Variants in KDM1A observed in about 807,000 individuals in gnomAD.
KDM1A encodes lysine-specific histone demethylase 1A.
A neutral mutation model predicts 109.4 loss-of-function variants in KDM1A; 49 were observed. That is an observed-to-expected ratio of 0.45 (90% CI 0.36 to 0.57). The LOEUF (loss-of-function observed/expected upper bound fraction) is 0.57, where lower values mean the gene tolerates loss of function less well. Among genes scored for constraint, KDM1A ranks in the 20% least tolerant of loss-of-function variants. The probability of loss-of-function intolerance (pLI) is 0.00; values close to 1 mark genes in which losing one functional copy is unlikely to be tolerated. For synonymous variants in KDM1A, 380 were observed against 415.4 expected (o/e 0.91, Z 1.04); for missense variants, 668 against 1,116.6 (o/e 0.60, Z 5.73).
chr1:23,068,195 A>G (rs1420512171), intron 10 of KDM1A, among the ~76,000 whole-genome samples: 1 of 152,078 alleles, frequency 6.6e-6, no homozygotes, highest in Non-Finnish European at 1.5e-5. Context: ...TGTTGTTTGC[A>G]TGTCAGCCAG....
chr1:23,053,684 C>A, intron 4 of KDM1A, 77 bp from the exon 5 acceptor site: 1 of 1,009,104 alleles, frequency 9.9e-7, no homozygotes, highest in Non-Finnish European at 1.5e-6. Flanking sequence ...CTGCAGCCAG[C>A]TAAAAGATGA....
intron 10 of KDM1A, among the ~76,000 whole-genome samples, chr1:23,066,664 C>T (rs922182098): frequency 1.3e-5 from 2 of 152,158 alleles, no homozygotes; most frequent in Non-Finnish European, 2.9e-5. Context: ...AGAAGCAACA[C>T]ATAGAAATAT....
chr1:23,040,622 CAA>C (rs746000994), intron 2 of KDM1A, among the ~76,000 whole-genome samples: 15 of 102,826 alleles, frequency 1.5e-4, no homozygotes, highest in East Asian at 2.6e-4. Flanking sequence ...CTCGTCTCTA[CAA>C]AAAAAAAAAA....
At chr1:23,070,345 C>G (rs904238842) in intron 12 of KDM1A, among the ~76,000 whole-genome samples, 1 of 152,146 alleles carries the variant, frequency 6.6e-6, no homozygotes, top group African/African-American at 2.4e-5. Context: ...GTAGCACACA[C>G]CTGTAATCCC....
Position 23,057,475 on chromosome 1 carries a change from C to CT in KDM1A, c.991-8dup, listed in dbSNP as rs1642864975. ...ATTGATGATTTTGGCTACTTAATTT[C>CT]TGAAACAGGATCGTGTGGGTGGACG... On this transcript the variant is annotated splice_polypyrimidine_tract_variant and intron_variant, in intron 7 of 20. Coordinates refer to ENST00000400181, the MANE Select transcript of KDM1A (RefSeq NM_001009999.3). The CT allele has an allele frequency of 1.2e-6, 2 of 1,612,628 alleles. No homozygotes were observed. Among genetic ancestry groups the CT allele is most frequent in the Non-Finnish European group, 1.7e-6 (2 of 1,178,960 alleles).
intron 2 of KDM1A, among the ~76,000 whole-genome samples, chr1:23,043,850 A>C (rs1642426404): frequency 6.6e-6 from 1 of 152,236 alleles, no homozygotes; most frequent in Non-Finnish European, 1.5e-5. Context: ...ACACACACAC[A>C]GTGTCTTATT....
At chr1:23,038,587 G>A (rs1054171576) in intron 2 of KDM1A, among the ~76,000 whole-genome samples, 11 of 152,104 alleles carry the variant, frequency 7.2e-5, no homozygotes, top group Non-Finnish European at 1.3e-4. Context: ...TTTCTACTAT[G>A]GAATGTGGAG....
intron 10 of KDM1A, among the ~76,000 whole-genome samples, chr1:23,066,978 A>G (rs530216746): frequency 3.3e-5 from 5 of 152,150 alleles, no homozygotes; most frequent in Non-Finnish European, 5.9e-5. Flanking sequence ...CTCTTCCATC[A>G]GCTCTCATAG....
At chr1:23,071,878 T>C (rs1356446626) in intron 13 of KDM1A, among the ~76,000 whole-genome samples, 1 of 152,208 alleles carries the variant, frequency 6.6e-6, no homozygotes, top group Non-Finnish European at 1.5e-5. Context: ...CACACTAGTA[T>C]GTTTCTTCCA....
intron 8 of KDM1A, among the ~76,000 whole-genome samples, chr1:23,058,437 T>G (rs1569754025): frequency 6.6e-6 from 1 of 152,232 alleles, no homozygotes; most frequent in Admixed American, 6.5e-5. Flanking sequence ...TAATTTATGC[T>G]TGTAATTACA....
In KDM1A at chr1:23,055,070, T is replaced by A; in HGVS notation, c.792T>A (p.Ser264Arg). 1 of 1,595,940 alleles carries A rather than the reference T, an allele frequency of 6.3e-7. No homozygotes were observed. The highest frequency in any genetic ancestry group is 8.6e-7 in the Non-Finnish European group (1 of 1,167,692). The change falls in exon 6 of 21, where the codon AGT becomes AGA. Residue 264 changes from serine to arginine, a missense_variant and splice_region_variant. Physicochemically the swap from Ser to Arg is moderately radical, Grantham distance 110. Around this residue, in one of 8 missense-constraint regions of KDM1A, gnomAD observed 149 missense variants for 189.7 expected, o/e 0.79. Transcript: ENST00000400181. Reference protein sequence around the residue: ...TLQQLEAPYNSDTVLVHRVHS... With the variant: ...TLQQLEAPYNRDTVLVHRVHS... Reference sequence around the variant, plus strand: ...GTTTTTAATCCACTTATTCTGTAGGTGATACTGTGCTTGTCCACCGAGTTC... The same window carrying A: ...GTTTTTAATCCACTTATTCTGTAGGAGATACTGTGCTTGTCCACCGAGTTC...
chr1:23,030,561 AAAG>A lies in KDM1A; in HGVS notation c.448_450del (p.Lys150del). On this transcript the variant is annotated inframe_deletion, in exon 2 of 21. Transcript: ENST00000400181. The stretch of plus-strand genomic sequence containing the variant: ...AGAGAAATGCCAAAGCAGAGAAGGA[AAAG>A]AAGCTTCCCCCACCACCCCCTCAAG... 1 of 1,612,388 alleles carries A rather than the reference AAAG, an allele frequency of 6.2e-7. No homozygotes were observed. Among genetic ancestry groups the A allele is most frequent in the Non-Finnish European group, 8.5e-7 (1 of 1,179,556 alleles).
rs774877340 is a variant in KDM1A at position 23,077,399 on chromosome 1, C to T, written c.1867+39C>T. 5.0e-6 allele frequency: 8 copies of T among 1,590,984 alleles called. No homozygotes were observed. In the South Asian group the frequency reaches 7.9e-5, roughly 16 times the overall value. On this transcript the variant is annotated intron_variant, in intron 16 of 20. Transcript: ENST00000400181. The stretch of plus-strand genomic sequence containing the variant: ...TTACAAAAGGTAAGAGAGAACTCTC[C>T]TGAAACAGGACTGATCTTTTGTTAG...
At chr1:23,035,263 C>T (rs1642109029) in intron 2 of KDM1A, among the ~76,000 whole-genome samples, 1 of 152,148 alleles carries the variant, frequency 6.6e-6, no homozygotes, top group South Asian at 2.1e-4. Context: ...AGTGCAATGG[C>T]ATGATCTCGG....
rs66720696 is a variant in KDM1A, at chr1:23,041,435, CTTTTTTT to C, written c.518-2974_518-2968del. On this transcript the variant is annotated intron_variant, in intron 2 of 20. Transcript: ENST00000400181. Reference sequence around the variant, plus strand: ...TAATACTTTTGAGTTTCTTTTCTTGCTTTTTTTTTTTTTTTTTTTTTTTTGGAGACCG... The same window carrying C: ...TAATACTTTTGAGTTTCTTTTCTTGCTTTTTTTTTTTTTTTTTGGAGACCG... 2.6e-4 allele frequency among the ~76,000 whole-genome samples: 14 copies of C among 53,042 alleles called. No homozygotes were observed. In the South Asian group the frequency reaches 0.011, roughly 41 times the overall value. 34.8% of individuals were successfully genotyped at this position (53,042 alleles called of 152,430 possible). A position where few individuals can be genotyped will look rare whatever the true frequency, so the allele number is the denominator to read the frequency against.
intron 10 of KDM1A, among the ~76,000 whole-genome samples, chr1:23,067,695 T>C (rs1643197333): frequency 6.6e-6 from 1 of 152,238 alleles, no homozygotes. Flanking sequence ...TATTTTTTCT[T>C]TCTCTCACTT....
Position 23,063,196 on chromosome 1 carries a change from T to TGCG in KDM1A, c.1168-2863_1168-2862insCGG, listed in dbSNP as rs1553130154. ...TCAAATTCCCACAGTGCTGTAGCATTGGGGGGGGGGTGTGGTGTGGGGTGG... is the reference window on the plus strand; with the variant it reads ...TCAAATTCCCACAGTGCTGTAGCATTGCGGGGGGGGGGGTGTGGTGTGGGGTGG... On this transcript the variant is annotated intron_variant, in intron 9 of 20. Coordinates refer to ENST00000400181, the MANE Select transcript of KDM1A (RefSeq NM_001009999.3). Among the ~76,000 whole-genome samples the TGCG allele has an allele frequency of 1.8e-4, 7 of 39,396 alleles. No homozygotes were observed. The East Asian group carries it at 4.5e-3, about 26-fold the overall frequency. 25.8% of individuals were successfully genotyped at this position (39,396 alleles called of 152,430 possible). A position where few individuals can be genotyped will look rare whatever the true frequency, so the allele number is the denominator to read the frequency against.
chr1:23,054,048 G>A (rs1642751387), intron 5 of KDM1A, among the ~76,000 whole-genome samples: 1 of 152,150 alleles, frequency 6.6e-6, no homozygotes, highest in South Asian at 2.1e-4. Context: ...TAACAGATGA[G>A]TTCAAGAGAT....
intron 13 of KDM1A, 127 bp downstream of exon 13, chr1:23,071,486 G>A: frequency 2.5e-6 from 2 of 814,502 alleles, no homozygotes; most frequent in Non-Finnish European, 3.8e-6. Flanking sequence ...AAGACGATTT[G>A]GTACATAAGG....
Sources: allele counts gnomAD v4.1 joint callset (sites outside exome capture counted in the v4.1 genomes callset), GRCh38; gene constraint gnomAD v4.1.1; regional missense constraint gnomAD v4.1.1; transcripts MANE v1.5; gene names NCBI Gene and HGNC (gene_info 2026-07-23, HGNC 2026-07-21).